AKAP12: variants seen among roughly 807,000 people sequenced by gnomAD.
AKAP12 encodes the protein A-kinase anchoring protein 12, also known as A-kinase anchor protein 12.
Under a neutral mutation model 79.9 loss-of-function variants are expected in AKAP12, and 32 were observed. The ratio of observed to expected loss-of-function variants is 0.40; its 90% confidence interval spans 0.30 to 0.54. AKAP12 has a LOEUF of 0.54. Among genes scored for constraint, AKAP12 ranks in the 20% least tolerant of loss-of-function variants. The probability of loss-of-function intolerance (pLI) is 0.48; values close to 1 mark genes in which losing one functional copy is unlikely to be tolerated. For missense variants in AKAP12, 2,074 were observed against 2,177.0 expected, an observed-to-expected ratio of 0.95 and a Z score of 0.94; for synonymous variants, 808 against 857.0, an observed-to-expected ratio of 0.94 and a Z score of 1.00.
chr6:151,352,091 A>G lies in AKAP12; in HGVS notation c.3700A>G (p.Lys1234Glu). ...PSSFVFQEET[K>E]EQSKMEDTLE... The stretch of plus-strand genomic sequence containing the variant: ...CAGTTTTGTGTTCCAGGAAGAAACT[A>G]AAGAACAATCAAAGATGGAAGACAC... Residue 1234 changes from lysine (K) to glutamate (E), a missense_variant, in exon 4 of 5, where the codon AAA (lysine) becomes GAA (glutamate). Around this residue, in one of 3 missense-constraint regions of AKAP12, gnomAD observed 614 missense variants for 665.6 expected, o/e 0.92. Coordinates refer to ENST00000402676, the MANE Select transcript of AKAP12 (RefSeq NM_005100.4). 1 of 1,614,206 alleles carries G rather than the reference A, an allele frequency of 6.2e-7. No individual in the cohort carries two copies. The highest frequency in any genetic ancestry group is 8.5e-7 in the Non-Finnish European group (1 of 1,180,036).
chr6:151,308,264 G>A (rs530165197), intron 3 of AKAP12, among the ~76,000 whole-genome samples: 114 of 152,068 alleles, frequency 7.5e-4, no homozygotes, highest in Middle Eastern at 3.4e-3. Flanking sequence ...CCAGGCTAGA[G>A]TGCAGTGGCA....
Position 151,349,220 on chromosome 6 carries a change from C to A in AKAP12, c.829C>A (p.Pro277Thr). The A allele has an allele frequency of 6.2e-7, 1 of 1,613,790 alleles. No individual in the cohort carries two copies. Among genetic ancestry groups the A allele is most frequent in the Non-Finnish European group, 8.5e-7 (1 of 1,179,982 alleles). ...EEGEEKQEKE[P>T]SKSAESPTSP... ...AGGAGAAGAGAAACAAGAAAAAGAA[C>A]CTAGCAAGTCTGCAGAATCTCCGAC... Residue 277 changes from proline to threonine, a missense_variant, in exon 4 of 5, where the codon CCT (proline) becomes ACT (threonine). This residue lies in a region of AKAP12 where 1,428 missense variants were observed against 1,451.0 expected (regional missense o/e 0.98). Coordinates refer to ENST00000402676, the MANE Select transcript of AKAP12 (RefSeq NM_005100.4).
intron 2 of AKAP12, among the ~76,000 whole-genome samples, chr6:151,266,145 A>G (rs961483098): frequency 1.3e-5 from 2 of 152,244 alleles, no homozygotes; most frequent in African/African-American, 4.8e-5. Context: ...TGGCCTTGCC[A>G]GGGTTAATTC....
chr6:151,339,251 T>C (rs1339535291), intron 3 of AKAP12, among the ~76,000 whole-genome samples: 1 of 152,244 alleles, frequency 6.6e-6, no homozygotes, highest in African/African-American at 2.4e-5. Context: ...AAAATAAGAA[T>C]GTTTATGCTT....
At chr6:151,254,399 T>C (rs548153283) in intron 2 of AKAP12, among the ~76,000 whole-genome samples, 1 of 152,116 alleles carries the variant, frequency 6.6e-6, no homozygotes, top group African/African-American at 2.4e-5. Flanking sequence ...TTGCCCAGGC[T>C]GGAGTGCAGT....
intron 2 of AKAP12, among the ~76,000 whole-genome samples, chr6:151,254,115 T>C (rs7764018): frequency 0.65 from 98,832 of 151,756 alleles, 32,463 homozygotes; most frequent in East Asian, 0.87. Flanking sequence ...CTGTTTTACA[T>C]GAAATAAGCT....
Position 151,289,178 on chromosome 6 carries a change from T to C in AKAP12, c.163-16569T>C, listed in dbSNP as rs545152293. On this transcript the variant is annotated intron_variant, in intron 2 of 4. Coordinates refer to ENST00000402676, the MANE Select transcript of AKAP12 (RefSeq NM_005100.4). ...CTGAAAACATGCTGTGAGAGATGAA[T>C]GTCAAGTTCACAGTCACTGCCCTTC... Among the ~76,000 whole-genome samples, 12 of 152,300 alleles carry C rather than the reference T, an allele frequency of 7.9e-5. No homozygotes were observed. The South Asian group carries it at 2.5e-3, about 32-fold the overall frequency.
chr6:151,304,339 A>C (rs531136460), intron 2 of AKAP12, among the ~76,000 whole-genome samples: 7 of 151,520 alleles, frequency 4.6e-5, no homozygotes, highest in Non-Finnish European at 7.4e-5. Context: ...AAATACAAAA[A>C]TTAGCCAGGC....
chr6:151,330,471 C>A (rs1232470464), intron 3 of AKAP12, among the ~76,000 whole-genome samples: 1 of 152,056 alleles, frequency 6.6e-6, no homozygotes, highest in African/African-American at 2.4e-5. Context: ...GCAGAGAATT[C>A]CTGGAAAAAT....
intron 2 of AKAP12, among the ~76,000 whole-genome samples, chr6:151,285,826 G>T (rs956517813): frequency 2.2e-4 from 34 of 151,826 alleles, no homozygotes; most frequent in Non-Finnish European, 2.4e-4. Flanking sequence ...AAGTGCAAAG[G>T]CTTTATGATT....
At chr6:151,250,852 C>G (rs557608547) in intron 2 of AKAP12, among the ~76,000 whole-genome samples, 2 of 151,970 alleles carry the variant, frequency 1.3e-5, no homozygotes, top group African/African-American at 4.8e-5. Flanking sequence ...GTGATCCACC[C>G]GCCTCGGCCT....
chr6:151,252,764 A>G (rs1270209326), intron 2 of AKAP12, among the ~76,000 whole-genome samples: 1 of 151,262 alleles, frequency 6.6e-6, no homozygotes, highest in Non-Finnish European at 1.5e-5. Flanking sequence ...AGATGAGAAA[A>G]CGAGATAAAA....
intron 2 of AKAP12, among the ~76,000 whole-genome samples, chr6:151,288,184 G>A (rs1776543898): frequency 6.6e-6 from 1 of 150,966 alleles, no homozygotes; most frequent in Non-Finnish European, 1.5e-5. Flanking sequence ...TGCGTGTTCT[G>A]GACATGTATC....
Position 151,305,808 on chromosome 6 carries a change from G to T in AKAP12, c.224G>T (p.Ser75Ile). 1.9e-6 allele frequency: 3 copies of T among 1,614,086 alleles called. No homozygotes were observed. The highest frequency in any genetic ancestry group is 2.5e-6 in the Non-Finnish European group (3 of 1,179,980). ...GGCGTAGCTGAGCAAGATGAGCTCA[G>T]CCTCCAGGAGGGTGACCTAAATGGC... ...INGVAEQDELSLQEGDLNGQK... is the reference protein window; with the variant it reads ...INGVAEQDELILQEGDLNGQK... Residue 75 changes from serine to isoleucine, a missense_variant, in exon 3 of 5, where the codon AGC becomes ATC. Coordinates refer to ENST00000402676, the MANE Select transcript of AKAP12 (RefSeq NM_005100.4).
At chr6:151,266,874 C>T (rs574067961) in intron 2 of AKAP12, among the ~76,000 whole-genome samples, 12 of 151,764 alleles carry the variant, frequency 7.9e-5, no homozygotes, top group South Asian at 4.2e-4. Context: ...ATTTAAAAAA[C>T]GCATGTATGT....
At chr6:151,298,636 A>G (rs1323423674) in intron 2 of AKAP12, among the ~76,000 whole-genome samples, 1 of 152,078 alleles carries the variant, frequency 6.6e-6, no homozygotes, top group African/African-American at 2.4e-5. Flanking sequence ...TCTACTAAAA[A>G]TACAAAAAAA....
intron 3 of AKAP12, among the ~76,000 whole-genome samples, chr6:151,335,309 T>C (rs1341065882): frequency 6.6e-6 from 1 of 152,218 alleles, no homozygotes; most frequent in Non-Finnish European, 1.5e-5. Flanking sequence ...GTCGTTCTAT[T>C]CTGAAGAAAA....
intron 2 of AKAP12, among the ~76,000 whole-genome samples, chr6:151,269,727 T>C (rs1039062574): frequency 3.9e-5 from 6 of 152,224 alleles, no homozygotes; most frequent in Non-Finnish European, 8.8e-5. Flanking sequence ...ATAACTTTGT[T>C]AAGATAATAA....
At chr6:151,268,786 G>A (rs973562335) in intron 2 of AKAP12, among the ~76,000 whole-genome samples, 5 of 152,022 alleles carry the variant, frequency 3.3e-5, no homozygotes, top group African/African-American at 1.2e-4. Flanking sequence ...TGGGACTACA[G>A]GCATGTGCCA....
Sources: allele counts gnomAD v4.1 joint callset (sites outside exome capture counted in the v4.1 genomes callset), GRCh38; gene constraint gnomAD v4.1.1; regional missense constraint gnomAD v4.1.1; transcripts MANE v1.5; gene names NCBI Gene and HGNC (gene_info 2026-07-23, HGNC 2026-07-21).